The following UBAP1 variants were observed in gnomAD, a reference collection of about 807,000 sequenced individuals.
The protein encoded by UBAP1 is ubiquitin-associated protein 1.
A neutral mutation model predicts 39.0 loss-of-function variants in UBAP1; 5 were observed. The ratio of observed to expected loss-of-function variants is 0.13; its 90% CI spans 0.07 to 0.27. The LOEUF is 0.27. Ranked by LOEUF, UBAP1 falls within the 10% of genes least tolerant of loss-of-function variation. The pLI is 1.00. For missense variants in UBAP1, 490 were observed against 608.1 expected (o/e 0.81, Z 2.04); for synonymous variants, 211 against 225.1 (o/e 0.94, Z 0.56).
chr9:34,202,591 TG>T (rs1831437851), intron 1 of UBAP1, among the ~76,000 whole-genome samples: 1 of 137,308 alleles, frequency 7.3e-6, no homozygotes. Context: ...GCAAGGGCTA[TG>T]GGAGTTATGG....
chr9:34,208,364 C>T (rs4879761), intron 1 of UBAP1, among the ~76,000 whole-genome samples: 58,464 of 152,064 alleles, frequency 0.38, 12,199 homozygotes, highest in East Asian at 0.89. Flanking sequence ...CACTGGAGGC[C>T]GGGCACAGTG....
In UBAP1 at chr9:34,242,017, A is replaced by G; in HGVS notation, c.992A>G (p.Glu331Gly). 1 of 1,614,162 alleles carries G rather than the reference A, an allele frequency of 6.2e-7. No homozygotes were observed. Among genetic ancestry groups the G allele is most frequent in the Non-Finnish European group, 8.5e-7 (1 of 1,180,026 alleles). Residue 331 changes from glutamate to glycine, a missense_variant, in exon 4 of 7, where the codon GAG (glutamate) becomes GGG (glycine). Transcript: ENST00000297661. ...GCTTTGAACTTGGACAGTGGCACAGAGATGCCAGCCCTGACATCCTCCCAG... is the reference window on the plus strand; with the variant it reads ...GCTTTGAACTTGGACAGTGGCACAGGGATGCCAGCCCTGACATCCTCCCAG... ...LSALNLDSGT[E>G]MPALTSSQMP...
chr9:34,251,731 C>T lies in UBAP1; in HGVS notation c.*199C>T. On this transcript the variant is annotated 3_prime_UTR_variant, in exon 7 of 7. Transcript: ENST00000297661. ...GGGGAAGATTCGGGCATGTGAGTGC[C>T]CCCAGAACTGTCCTGGCTCCTTCCG... 1.7e-6 allele frequency: 1 copy of T among 605,552 alleles called. No homozygotes were observed. The highest frequency in any genetic ancestry group is 2.9e-6 in the Non-Finnish European group (1 of 348,360). 37.5% of individuals were successfully genotyped at this position (605,552 alleles called of 1,614,324 possible).
intron 1 of UBAP1, among the ~76,000 whole-genome samples, chr9:34,200,150 T>G (rs961740504): frequency 4.4e-4 from 67 of 152,200 alleles, no homozygotes; most frequent in African/African-American, 1.4e-3. Context: ...GTAATTAGAC[T>G]GGGCTTGTGG....
chr9:34,223,606 A>G (rs974823613), intron 2 of UBAP1, among the ~76,000 whole-genome samples: 4 of 152,056 alleles, frequency 2.6e-5, no homozygotes, highest in Non-Finnish European at 4.4e-5. Context: ...GGTGCCTGCC[A>G]CCATGCCCAG....
At chr9:34,203,224 C>CT (rs550772333) in intron 1 of UBAP1, among the ~76,000 whole-genome samples, 289 of 152,244 alleles carry the variant, frequency 1.9e-3, no homozygotes, top group Admixed American at 6.5e-3. Flanking sequence ...GCAGGAAGAT[C>CT]TTTTGGGCTC....
At chr9:34,235,307 A>ATG (rs10535791) in intron 3 of UBAP1, among the ~76,000 whole-genome samples, 4,309 of 140,430 alleles carry the variant, frequency 0.031, 189 homozygotes, top group African/African-American at 0.098. Flanking sequence ...GTATATATAT[A>ATG]TGTGTGTGTG....
At chr9:34,236,570 T>A (rs1833711279) in intron 3 of UBAP1, among the ~76,000 whole-genome samples, 1 of 152,230 alleles carries the variant, frequency 6.6e-6, no homozygotes, top group African/African-American at 2.4e-5. Flanking sequence ...CAGACCAAAT[T>A]CCCATTGCCC....
intron 2 of UBAP1, among the ~76,000 whole-genome samples, chr9:34,227,659 T>G (rs1252678988): frequency 1.3e-5 from 2 of 152,158 alleles, no homozygotes; most frequent in Admixed American, 1.3e-4. Flanking sequence ...TCCACCAAAG[T>G]GGTATGCAGA....
At chr9:34,226,105 TTG>T (rs74180553) in intron 2 of UBAP1, among the ~76,000 whole-genome samples, 6,036 of 87,930 alleles carry the variant, frequency 0.069, 218 homozygotes, top group African/African-American at 0.13. Context: ...TCCTACTCTA[TTG>T]TGTGTGTGTG....
chr9:34,233,324 C>T (rs930768716), intron 2 of UBAP1, among the ~76,000 whole-genome samples: 8 of 151,082 alleles, frequency 5.3e-5, no homozygotes, highest in African/African-American at 1.9e-4. Context: ...TGGGTTCAAG[C>T]GATTCTCCTG....
At chr9:34,180,341 C>A (rs1829946170) in intron 1 of UBAP1, among the ~76,000 whole-genome samples, 1 of 151,944 alleles carries the variant, frequency 6.6e-6, no homozygotes, top group South Asian at 2.1e-4. Context: ...ATGTTGAAAC[C>A]CTTTCTCTAC....
At position 34,201,784 on chromosome 9, in the gene UBAP1, G is replaced by A. The variant is rs1831386369; in HGVS notation, c.-7-19124G>A. 4.6e-5 allele frequency among the ~76,000 whole-genome samples: 7 copies of A among 152,204 alleles called. No individual in the cohort carries two copies. In the South Asian group the frequency reaches 1.2e-3, roughly 27 times the overall value. On this transcript the variant is annotated intron_variant, in intron 1 of 6. Coordinates refer to ENST00000297661, the MANE Select transcript of UBAP1 (RefSeq NM_016525.5). ...TCAGATCCCACTGGTTGAATGCGCA[G>A]TCTCCAAGATTGCCCCCTAGCACTC...
chr9:34,249,161 C>A (rs1208326449), intron 4 of UBAP1, among the ~76,000 whole-genome samples: 1 of 152,048 alleles, frequency 6.6e-6, no homozygotes. Context: ...TGTAGGATGG[C>A]AGCTTTGGCA....
chr9:34,225,713 G>C (rs1426506002), intron 2 of UBAP1, among the ~76,000 whole-genome samples: 1 of 150,306 alleles, frequency 6.7e-6, no homozygotes, highest in Non-Finnish European at 1.5e-5. Context: ...CCAGGAGGAA[G>C]AGCTTGCAGT....
Position 34,242,096 on chromosome 9 carries a change from T to A in UBAP1, c.1071T>A (p.Asn357Lys), listed in dbSNP as rs16935457. 8,552 of 1,594,842 alleles carry A rather than the reference T, an allele frequency of 5.4e-3. 305 individuals carry two copies. The East Asian group carries it at 0.11, about 21-fold the overall frequency. Residue 357 changes from asparagine (N) to lysine (K), a missense_variant, in exon 4 of 7, where the codon AAT becomes AAA. By Grantham distance (94) the Asn-to-Lys change is moderately conservative. Transcript: ENST00000297661. ...SVCTEESSPP[N>K]TGPTVTPPNF... Reference sequence around the variant, plus strand: ...GCACAGAGGAATCATCACCTCCAAATACTGGTCCCACGGTAAGTCTTTTAA... The same window carrying A: ...GCACAGAGGAATCATCACCTCCAAAAACTGGTCCCACGGTAAGTCTTTTAA...
rs942401703 is a variant in UBAP1, at chr9:34,240,319, C to T, written c.160-866C>T. On this transcript the variant is annotated intron_variant, in intron 3 of 6. Transcript: ENST00000297661. ...CTTGAGTATGACCAGGGGCTCTTTC[C>T]TATGTTTCTTCTCTAAAATTCTGGT... 2.0e-5 allele frequency among the ~76,000 whole-genome samples: 3 copies of T among 152,140 alleles called. No homozygotes were observed. The East Asian group carries it at 5.8e-4, about 29-fold the overall frequency.
rs755047909 is a variant in UBAP1 at position 34,251,539 on chromosome 9, G to GC, written c.*10dup. On this transcript the variant is annotated 3_prime_UTR_variant, in exon 7 of 7. Coordinates refer to ENST00000297661, the MANE Select transcript of UBAP1 (RefSeq NM_016525.5). Reference sequence around the variant, plus strand: ...TCGGGCAGGAGCCAGCTGAGACCAGGCCCTGCCTAGGCCCTGCCGCAGAAC... The same window carrying GC: ...TCGGGCAGGAGCCAGCTGAGACCAGGCCCCTGCCTAGGCCCTGCCGCAGAAC... 2.5e-6 allele frequency: 4 copies of GC among 1,613,432 alleles called. No homozygotes were observed. Among genetic ancestry groups the GC allele is most frequent in the Non-Finnish European group, 1.7e-6 (2 of 1,179,772 alleles).
intron 2 of UBAP1, among the ~76,000 whole-genome samples, chr9:34,225,574 C>T (rs1288834963): frequency 6.6e-6 from 1 of 151,412 alleles, no homozygotes; most frequent in African/African-American, 2.4e-5. Flanking sequence ...TCAGGAGATC[C>T]AGACCATCCT....
Sources: allele counts gnomAD v4.1 joint callset (sites outside exome capture counted in the v4.1 genomes callset), GRCh38; gene constraint gnomAD v4.1.1; transcripts MANE v1.5; gene names NCBI Gene and HGNC (gene_info 2026-07-23, HGNC 2026-07-21).